RAG1: variants seen among roughly 807,000 people sequenced by gnomAD.
RAG1 encodes the protein recombination activating 1.
Under a neutral mutation model 62.7 loss-of-function variants are expected in RAG1, and 35 were observed. That is an observed-to-expected ratio of 0.56 (90% confidence interval 0.43 to 0.74). The LOEUF (loss-of-function observed/expected upper bound fraction) is 0.74. RAG1 is among the 30% of genes least tolerant of loss of function. The pLI is 0.00. For synonymous variants in RAG1, 461 were observed against 470.3 expected (o/e 0.98, Z 0.26); for missense variants, 1,169 against 1,278.6 (o/e 0.91, Z 1.31).
chr11:36,568,730 G>A (rs1430559960), intron 1 of RAG1, among the ~76,000 whole-genome samples: 1 of 152,132 alleles, frequency 6.6e-6, no homozygotes, highest in Non-Finnish European at 1.5e-5. Flanking sequence ...TTTGAGAATT[G>A]CCATGGTAGA....
At chr11:36,535,109 A>G (rs747345542) in intron 2 of RAG1, among the ~76,000 whole-genome samples, 57 of 152,330 alleles carry the variant, frequency 3.7e-4, no homozygotes, top group Middle Eastern at 3.4e-3. Context: ...CAATTTTTGT[A>G]AATATTCCAT....
At chr11:36,564,911 C>A (rs1850640092), upstream of RAG1, among the ~76,000 whole-genome samples, 1 of 152,104 alleles carries the variant, frequency 6.6e-6, no homozygotes, top group South Asian at 2.1e-4. Flanking sequence ...GAGGGATGTT[C>A]CCTTTTCAGT....
Position 36,574,284 on chromosome 11 carries a change from A to G in RAG1, c.980A>G (p.Tyr327Cys), listed in dbSNP as rs770646337. The G allele has an allele frequency of 4.3e-6, 7 of 1,614,036 alleles. No individual in the cohort carries two copies. Among genetic ancestry groups the G allele is most frequent in the East Asian group, 2.2e-5 (1 of 44,894 alleles). ...AGATGCCTCAAAGTCATGGGCAGCT[A>G]TTGTCCCTCTTGCCGATATCCATGC... Reference protein sequence around the residue: ...ILRCLKVMGSYCPSCRYPCFP... With the variant: ...ILRCLKVMGSCCPSCRYPCFP... Residue 327 changes from tyrosine to cysteine, a missense_variant, in exon 2 of 2, where the codon TAT (tyrosine) becomes TGT (cysteine). Physicochemically the swap from Tyr to Cys is radical, Grantham distance 194. This residue lies in a region of RAG1 where 800 missense variants were observed against 943.3 expected (regional missense o/e 0.85). Transcript: ENST00000299440.
At chr11:36,548,804 C>T (rs190309006) in intron 3 of RAG1, among the ~76,000 whole-genome samples, 1 of 152,174 alleles carries the variant, frequency 6.6e-6, no homozygotes, top group East Asian at 1.9e-4. Flanking sequence ...AAAAAGAGCC[C>T]ATATGGTCAA....
chr11:36,574,378 T>C lies in RAG1; in HGVS notation c.1074T>C (p.Cys358=). The change falls in exon 2 of 2, where the codon TGT becomes TGC. Residue 358 remains cysteine, a synonymous_variant. Transcript: ENST00000299440. The part of the protein sequence containing the change: ...LSVLNSLMVK[C]PAKECNEEVS... ...TCTTGAATTCCCTGATGGTGAAATGTCCAGCAAAAGAGTGCAATGAGGAGG... is the reference window on the plus strand; with the variant it reads ...TCTTGAATTCCCTGATGGTGAAATGCCCAGCAAAAGAGTGCAATGAGGAGG... 6.2e-7 allele frequency: 1 copy of C among 1,614,190 alleles called. No homozygotes were observed. Among genetic ancestry groups the C allele is most frequent in the African/African-American group, 1.3e-5 (1 of 75,020 alleles).
At chr11:36,526,330 G>A (rs548567475) in intron 2 of RAG1, among the ~76,000 whole-genome samples, 2 of 147,462 alleles carry the variant, frequency 1.4e-5, no homozygotes, top group South Asian at 2.1e-4. Context: ...GAGGATATGT[G>A]GTGTTTGGTT....
At chr11:36,530,965 T>A (rs1290716869) in intron 2 of RAG1, among the ~76,000 whole-genome samples, 1 of 152,036 alleles carries the variant, frequency 6.6e-6, no homozygotes. Context: ...TTTTCAGTTT[T>A]TGTTTCACTT....
chr11:36,546,532 A>G (rs935488925), intron 3 of RAG1, among the ~76,000 whole-genome samples: 3 of 152,010 alleles, frequency 2.0e-5, no homozygotes, highest in Admixed American at 6.5e-5. Flanking sequence ...TCTTTATCCA[A>G]TTTGCCAGTC....
Position 36,576,040 on chromosome 11 carries a change from CA to C in RAG1, c.2737del (p.Ser913ValfsTer65). The part of the protein sequence containing the change: ...KECPESLCQY[S>X]FNSQRFAELL... ...AGTGCCCAGAATCCCTCTGCCAGTA[CA>C]GTTTCAATTCACAGCGTTTTGCTGA... On this transcript the variant is annotated frameshift_variant, in exon 2 of 2. Transcript: ENST00000299440. LOFTEE classifies it high-confidence loss of function. The C allele has an allele frequency of 6.2e-7, 1 of 1,614,106 alleles. No homozygotes were observed. The highest frequency in any genetic ancestry group is 8.5e-7 in the Non-Finnish European group (1 of 1,180,030).
intron 3 of RAG1, among the ~76,000 whole-genome samples, chr11:36,560,916 C>T (rs539252437): frequency 1.6e-4 from 24 of 152,302 alleles, no homozygotes; most frequent in African/African-American, 2.4e-4. Flanking sequence ...TCTAGTGTTC[C>T]GCGTTAGACG....
downstream of RAG1, among the ~76,000 whole-genome samples, chr11:36,539,212 C>G (rs1860377364): frequency 6.6e-6 from 1 of 152,176 alleles, no homozygotes; most frequent in Admixed American, 6.5e-5. Flanking sequence ...GAAACACCAC[C>G]AGGGATGCAT....
At chr11:36,543,731 A>G (rs1406661911) in intron 3 of RAG1, among the ~76,000 whole-genome samples, 1 of 152,216 alleles carries the variant, frequency 6.6e-6, no homozygotes, top group Non-Finnish European at 1.5e-5. Flanking sequence ...GGAATACACT[A>G]AATTCAGAAG....
intron 2 of RAG1, among the ~76,000 whole-genome samples, chr11:36,529,299 T>G (rs1226832244): frequency 6.6e-6 from 1 of 152,134 alleles, no homozygotes; most frequent in Non-Finnish European, 1.5e-5. Flanking sequence ...TCCACCATGA[T>G]CAAGTCAGCT....
chr11:36,560,903 A>T (rs1026755877), intron 3 of RAG1, among the ~76,000 whole-genome samples: 2 of 152,106 alleles, frequency 1.3e-5, no homozygotes, highest in Non-Finnish European at 2.9e-5. Flanking sequence ...TTCCTTGCTG[A>T]ATTCTAGTGT....
At chr11:36,534,740 C>A (rs947277522) in intron 2 of RAG1, among the ~76,000 whole-genome samples, 1 of 152,042 alleles carries the variant, frequency 6.6e-6, no homozygotes, top group African/African-American at 2.4e-5. Flanking sequence ...TTATTTTCTC[C>A]TTTCATTTTT....
At position 36,575,081 on chromosome 11, in the gene RAG1, C is replaced by T. The variant is rs1249522813; in HGVS notation, c.1777C>T (p.Pro593Ser). The change falls in exon 2 of 2, where the codon CCC becomes TCC. Residue 593 changes from proline (P) to serine (S), a missense_variant. Physicochemically the swap from Pro to Ser is moderately conservative, Grantham distance 74. Coordinates refer to ENST00000299440, the MANE Select transcript of RAG1 (RefSeq NM_000448.3). The surrounding 1 kb of genome is among the most constrained non-coding windows in gnomAD (Gnocchi z 4.1). ...AGACCTTGATGATTACCTGAATGGC[C>T]CCTTCACTGTGGTGGTGAAGGAGTC... ...SQDLDDYLNG[P>S]FTVVVKESCD... is the part of the protein sequence containing the mutation. The T allele has an allele frequency of 2.5e-6, 4 of 1,613,926 alleles. No homozygotes were observed. Among genetic ancestry groups the T allele is most frequent in the East Asian group, 2.2e-5 (1 of 44,882 alleles).
At chr11:36,573,257 T>C in intron 1 of RAG1, 34 bp from the exon 2 acceptor site, 1 of 1,605,994 alleles carries the variant, frequency 6.2e-7, no homozygotes, top group Non-Finnish European at 8.5e-7. Flanking sequence ...ATATTGATAT[T>C]GGTCTTAATA....
intron 3 of RAG1, among the ~76,000 whole-genome samples, chr11:36,541,629 C>A (rs1292229269): frequency 1.3e-5 from 2 of 152,210 alleles, no homozygotes; most frequent in East Asian, 3.9e-4. Context: ...AAATACTAGG[C>A]CCTTGCTTGG....
Position 36,574,746 on chromosome 11 carries a change from G to T in RAG1, c.1442G>T (p.Cys481Phe). The T allele has an allele frequency of 1.2e-6, 2 of 1,614,242 alleles. No homozygotes were observed. Among genetic ancestry groups the T allele is most frequent in the Non-Finnish European group, 1.7e-6 (2 of 1,180,054 alleles). ...ATCCGTGTCAACACCTTCCTCAGCT[G>T]CAGTCAGTACCACAAGATGTACAGG... is the stretch of plus-strand genomic sequence containing the variant. ...LAIRVNTFLSCSQYHKMYRTV... is the reference protein window; with the variant it reads ...LAIRVNTFLSFSQYHKMYRTV... Residue 481 changes from cysteine to phenylalanine, a missense_variant, in exon 2 of 2, where the codon TGC becomes TTC. Physicochemically the swap from Cys to Phe is radical, Grantham distance 205 (BLOSUM62 -2). Coordinates refer to ENST00000299440, the MANE Select transcript of RAG1 (RefSeq NM_000448.3).
Sources: allele counts gnomAD v4.1 joint callset (sites outside exome capture counted in the v4.1 genomes callset), GRCh38; gene constraint gnomAD v4.1.1; regional missense constraint gnomAD v4.1.1; non-coding constraint Gnocchi (gnomAD v3.1); transcripts MANE v1.5; gene names NCBI Gene and HGNC (gene_info 2026-07-23, HGNC 2026-07-21).